MALRD1: variants seen among roughly 807,000 people sequenced by gnomAD.
MALRD1 encodes the protein MAM and LDL receptor class A domain containing 1.
In MALRD1, 247 loss-of-function variants were observed where a neutral mutation model predicts 242.1. That is an observed-to-expected ratio of 1.02 (90% CI 0.92 to 1.13). The LOEUF (loss-of-function observed/expected upper bound fraction) is 1.13, where lower values mean the gene tolerates loss of function less well. Ranked by LOEUF, MALRD1 falls within the 50% of genes most tolerant of loss-of-function variation. The pLI, the probability that MALRD1 is intolerant of heterozygous loss-of-function variation, is 0.00. For synonymous variants in MALRD1, 995 were observed against 866.6 expected, an observed-to-expected ratio of 1.15 and a Z score of -2.60; for missense variants, 2,989 against 2,533.1, an observed-to-expected ratio of 1.18 and a Z score of -3.86.
At position 19,380,153 on chromosome 10, in the gene MALRD1, T is replaced by C. The variant is rs191401231; in HGVS notation, c.4442-7375T>C. Among the ~76,000 whole-genome samples the C allele has an allele frequency of 3.5e-3, 529 of 151,902 alleles. 4 individuals are homozygous for C. The highest frequency in any genetic ancestry group is 0.012 in the African/African-American group (507 of 41,464). ...CCATGCCTGGCTAATTTTTGTATTT[T>C]TAGTAGAGACGGGGTTTCACCATGT... On this transcript the variant is annotated intron_variant, in intron 26 of 39. Transcript: ENST00000454679.
At chr10:19,223,479 G>A (rs1837649405) in intron 18 of MALRD1, among the ~76,000 whole-genome samples, 1 of 151,620 alleles carries the variant, frequency 6.6e-6, no homozygotes, top group South Asian at 2.1e-4. Flanking sequence ...CACTATTTGT[G>A]TAGGAAACAT....
At chr10:19,649,330 T>C (rs888523092) in intron 36 of MALRD1, among the ~76,000 whole-genome samples, 1 of 152,200 alleles carries the variant, frequency 6.6e-6, no homozygotes, top group Admixed American at 6.5e-5. Context: ...TCCAGAATAA[T>C]TGAACTAATT....
chr10:19,182,615 C>A (rs1237465042), intron 14 of MALRD1, among the ~76,000 whole-genome samples: 2 of 151,978 alleles, frequency 1.3e-5, no homozygotes, highest in African/African-American at 4.8e-5. Context: ...CAGGTGTGAG[C>A]CACTGCACCC....
At chr10:19,215,339 A>G (rs1246256316) in intron 18 of MALRD1, among the ~76,000 whole-genome samples, 1 of 152,194 alleles carries the variant, frequency 6.6e-6, no homozygotes, top group Non-Finnish European at 1.5e-5. Context: ...ACCAATTAAG[A>G]TGTCTATGAT....
intron 38 of MALRD1, among the ~76,000 whole-genome samples, chr10:19,712,912 G>A (rs933495016): frequency 1.3e-5 from 2 of 152,178 alleles, no homozygotes; most frequent in Admixed American, 6.5e-5. Context: ...CAATAGAACA[G>A]AGCCACTCAA....
rs562597215 is a variant in MALRD1, at chr10:19,174,390, T to C, written c.1831-818T>C. On this transcript the variant is annotated intron_variant, in intron 13 of 39. Transcript: ENST00000454679. ...TGTTGTATTTTGAGATAGCATGTTCTGAGCCCTGGCACAAGTAAATTTAAT... is the reference window on the plus strand; with the variant it reads ...TGTTGTATTTTGAGATAGCATGTTCCGAGCCCTGGCACAAGTAAATTTAAT... 3.9e-5 allele frequency among the ~76,000 whole-genome samples: 6 copies of C among 152,290 alleles called. No individual in the cohort carries two copies. The South Asian group carries it at 1.2e-3, about 32-fold the overall frequency.
At chr10:19,187,531 G>A (rs1366354386) in intron 14 of MALRD1, among the ~76,000 whole-genome samples, 1 of 152,082 alleles carries the variant, frequency 6.6e-6, no homozygotes, top group Non-Finnish European at 1.5e-5. Flanking sequence ...CAATAGCAAG[G>A]GGACCAATGT....
At chr10:19,176,366 C>CCTTTTTTTTTT (rs1484132630) in intron 14 of MALRD1, among the ~76,000 whole-genome samples, 1 of 87,296 alleles carries the variant, frequency 1.1e-5, no homozygotes, top group African/African-American at 4.3e-5. Flanking sequence ...TTTCTGGGTG[C>CCTTTTTTTTTT]TTTTTTTTTT....
chr10:19,285,203 T>G (rs368876352), intron 21 of MALRD1, among the ~76,000 whole-genome samples: 26 of 142,902 alleles, frequency 1.8e-4, no homozygotes, highest in African/African-American at 3.5e-4. Flanking sequence ...TTTGTAGGTT[T>G]CCTGTTCACT....
intron 9 of MALRD1, among the ~76,000 whole-genome samples, chr10:19,134,693 G>C (rs1471344819): frequency 6.6e-6 from 1 of 152,072 alleles, no homozygotes; most frequent in Non-Finnish European, 1.5e-5. Context: ...ATTTTCATAG[G>C]CTGATATCTG....
intron 21 of MALRD1, among the ~76,000 whole-genome samples, chr10:19,295,611 A>T (rs1469674212): frequency 1.3e-5 from 2 of 152,116 alleles, no homozygotes; most frequent in African/African-American, 4.8e-5. Flanking sequence ...TTAAAAAATT[A>T]ATTGAAGTAA....
At chr10:19,189,622 A>AT (rs767655317) in intron 14 of MALRD1, among the ~76,000 whole-genome samples, 31 of 152,058 alleles carry the variant, frequency 2.0e-4, no homozygotes, top group Non-Finnish European at 3.8e-4. Context: ...ACCAAGTGGG[A>AT]TTTTTTTCCT....
At chr10:19,115,191 T>A (rs1836827775) in intron 5 of MALRD1, among the ~76,000 whole-genome samples, 1 of 152,148 alleles carries the variant, frequency 6.6e-6, no homozygotes, top group African/African-American at 2.4e-5. Context: ...CCTCCCCTGC[T>A]TCTTCTCCTA....
intron 7 of MALRD1, among the ~76,000 whole-genome samples, chr10:19,125,575 A>G (rs558081562): frequency 4.2e-5 from 6 of 143,302 alleles, no homozygotes; most frequent in African/African-American, 1.5e-4. Context: ...GTATTGTTAC[A>G]TTTTTATTTT....
intron 31 of MALRD1, among the ~76,000 whole-genome samples, chr10:19,507,705 C>T (rs1481927935): frequency 6.6e-6 from 1 of 151,860 alleles, no homozygotes; most frequent in Non-Finnish European, 1.5e-5. Flanking sequence ...TAATTACTAC[C>T]AATAGTCATG....
chr10:19,402,215 T>C (rs778106423), intron 28 of MALRD1, among the ~76,000 whole-genome samples: 1 of 152,136 alleles, frequency 6.6e-6, no homozygotes, highest in Non-Finnish European at 1.5e-5. Flanking sequence ...TTGTCAAACT[T>C]AACACAATCA....
intron 28 of MALRD1, among the ~76,000 whole-genome samples, chr10:19,444,444 T>C (rs971559851): frequency 6.6e-6 from 1 of 152,252 alleles, no homozygotes; most frequent in Non-Finnish European, 1.5e-5. Context: ...CAGTGCCTGG[T>C]ACCAGTCGTT....
chr10:19,303,218 C>T (rs1842026851), intron 21 of MALRD1, among the ~76,000 whole-genome samples: 1 of 151,326 alleles, frequency 6.6e-6, no homozygotes, highest in Non-Finnish European at 1.5e-5. Flanking sequence ...ATCCCAAGAC[C>T]AAAACAAGCA....
chr10:19,707,887 G>A (rs1316898227), intron 38 of MALRD1, among the ~76,000 whole-genome samples: 1 of 121,292 alleles, frequency 8.2e-6, no homozygotes, highest in African/African-American at 2.6e-5. Context: ...AACCCAGGAG[G>A]CAAATGTTGT....
Sources: gnomAD v4.1 joint callset for allele counts (sites outside exome capture counted in the v4.1 genomes callset) on GRCh38, gnomAD v4.1.1 for gene constraint, MANE v1.5 for transcripts, NCBI Gene and HGNC (gene_info 2026-07-23, HGNC 2026-07-21) for gene names.